GPN2: variants seen among roughly 807,000 people sequenced by gnomAD.
The protein encoded by GPN2 is GPN-loop GTPase 2, also known as ATP-binding domain 1 family member B.
In GPN2, 27 loss-of-function variants were observed where a neutral mutation model predicts 30.1. That is an observed-to-expected ratio of 0.90 (90% CI 0.66 to 1.24). GPN2 has a LOEUF of 1.24. GPN2 is among the 50% of genes most tolerant of loss of function. The pLI is 0.00. For missense variants in GPN2, 406 were observed against 405.4 expected (o/e 1.00, Z -0.01); for synonymous variants, 212 against 174.4 (o/e 1.22, Z -1.70).
chr1:26,889,846 C>T lies in GPN2; in HGVS notation c.251G>A (p.Cys84Tyr). 1 of 1,613,404 alleles carries T rather than the reference C, an allele frequency of 6.2e-7. No homozygotes were observed. Among genetic ancestry groups the T allele is most frequent in the Non-Finnish European group, 8.5e-7 (1 of 1,179,832 alleles). Residue 84 changes from cysteine (C) to tyrosine (Y), a missense_variant, in exon 1 of 5, where the codon TGC becomes TAC. Physicochemically the swap from Cys to Tyr is radical, Grantham distance 194. Transcript: ENST00000374135. Reference protein sequence around the residue: ...RLGPNGGLLYCMEYLEANLDW... With the variant: ...RLGPNGGLLYYMEYLEANLDW... Reference sequence around the variant, plus strand: ...CAGGTTGGCTTCCAGGTACTCCATGCAGTAGAGCAGGCCGCCGTTGGGCCC... The same window carrying T: ...CAGGTTGGCTTCCAGGTACTCCATGTAGTAGAGCAGGCCGCCGTTGGGCCC...
chr1:26,888,867 C>G lies in GPN2; in HGVS notation c.568+102G>C, dbSNP rs980957130. On this transcript the variant is annotated intron_variant, in intron 2 of 4. Coordinates refer to ENST00000374135, the MANE Select transcript of GPN2 (RefSeq NM_018066.4). ...AGAACCTGCCTGTGGCTACTATCAC[C>G]AGACCACGCAAGGCACCAGAGGCAG... The G allele has an allele frequency of 8.6e-6, 10 of 1,157,216 alleles. No homozygotes were observed. In the African/African-American group the frequency reaches 1.4e-4, roughly 16 times the overall value. 71.7% of individuals were successfully genotyped at this position (1,157,216 alleles called of 1,614,324 possible). A position where few individuals can be genotyped will look rare whatever the true frequency, so the allele number is the denominator to read the frequency against.
At chr1:26,884,118 G>T in intron 4 of GPN2, 42 bp downstream of exon 4, 1 of 1,568,096 alleles carries the variant, frequency 6.4e-7, no homozygotes, top group Non-Finnish European at 8.7e-7. Flanking sequence ...TGAGTCCCAT[G>T]TCTCACCCTC....
chr1:26,887,754 A>G (rs71636790), intron 2 of GPN2, among the ~76,000 whole-genome samples: 20,413 of 150,914 alleles, frequency 0.14, 1,481 homozygotes, highest in Non-Finnish European at 0.17. Flanking sequence ...GTAGAGACGG[A>G]GTTTCACAGT....
chr1:26,883,740 C>T (rs1410859943), intron 4 of GPN2, among the ~76,000 whole-genome samples: 2 of 151,116 alleles, frequency 1.3e-5, no homozygotes, highest in East Asian at 1.9e-4. Context: ...GCCAAGATTG[C>T]GCCATTGTGC....
intron 2 of GPN2, among the ~76,000 whole-genome samples, chr1:26,887,984 G>A (rs547332070): frequency 3.9e-4 from 59 of 151,882 alleles, no homozygotes; most frequent in African/African-American, 1.3e-3. Context: ...TCAGCCTCCC[G>A]AGTAGCTGGG....
chr1:26,882,182 A>G (rs1432663478), intron 4 of GPN2, among the ~76,000 whole-genome samples: 1 of 147,556 alleles, frequency 6.8e-6, no homozygotes, highest in Non-Finnish European at 1.5e-5. Context: ...GCACCATTGC[A>G]CTCCAACTGG....
intron 4 of GPN2, among the ~76,000 whole-genome samples, chr1:26,880,052 C>G (rs2081856737): frequency 6.6e-6 from 1 of 152,138 alleles, no homozygotes; most frequent in South Asian, 2.1e-4. Context: ...ATGTCTGGGT[C>G]TGGGGTCTGA....
In GPN2 at chr1:26,889,974, C is replaced by G; in HGVS notation, c.123G>C (p.Ala41=). ...EFLRALGRRV[A]VVNLDPANEG... is the part of the protein sequence containing the mutation. ...CGTTGGCCGGGTCCAGGTTCACCAC[C>G]GCCACGCGCCGGCCCAGCGCGCGCA... The change falls in exon 1 of 5, where the codon GCG becomes GCC. Residue 41 remains alanine, a synonymous_variant. Transcript: ENST00000374135. 1.9e-6 allele frequency: 3 copies of G among 1,603,834 alleles called. No homozygotes were observed. Among genetic ancestry groups the G allele is most frequent in the Non-Finnish European group, 2.5e-6 (3 of 1,179,216 alleles).
chr1:26,889,241 G>T, intron 1 of GPN2, 116 bp from the exon 2 acceptor site: 2 of 784,890 alleles, frequency 2.5e-6, no homozygotes, highest in Admixed American at 2.9e-5. Context: ...TCCTGCCTCT[G>T]TTTCTTTCTA....
At position 26,886,026 on chromosome 1, in the gene GPN2, C is replaced by CT; in HGVS notation, c.675dup (p.Val226SerfsTer8). 1 of 1,613,084 alleles carries CT rather than the reference C, an allele frequency of 6.2e-7. No homozygotes were observed. Among genetic ancestry groups the CT allele is most frequent in the Non-Finnish European group, 8.5e-7 (1 of 1,179,062 alleles). Reference sequence around the variant, plus strand: ...AGGCTATAGTCTTCGATGAGCTGCACTAGCTTCTCATTGAGCTGGCGGTAG... The same window carrying CT: ...AGGCTATAGTCTTCGATGAGCTGCACTTAGCTTCTCATTGAGCTGGCGGTAG... On this transcript the variant is annotated frameshift_variant, in exon 3 of 5. Transcript: ENST00000374135. LOFTEE classifies it high-confidence loss of function.
At chr1:26,881,428 A>G (rs569607683) in intron 4 of GPN2, among the ~76,000 whole-genome samples, 2 of 152,378 alleles carry the variant, frequency 1.3e-5, no homozygotes, top group Admixed American at 6.5e-5. Context: ...ATAGGTACCC[A>G]AAGTATGATT....
rs748050314 is a variant in GPN2, at chr1:26,890,084, C to T, written c.13G>A (p.Ala5Thr). The T allele has an allele frequency of 5.6e-5, 85 of 1,529,910 alleles. No individual in the cohort carries two copies. The Middle Eastern group carries it at 6.9e-4, about 12-fold the overall frequency. The allele number at this position is 1,529,910 out of a possible 1,614,324, so 94.8% of individuals were successfully genotyped here. A position where few individuals can be genotyped will look rare whatever the true frequency, so the allele number is the denominator to read the frequency against. ...GCCTGCCCGAAGGCCGTGGTCGGAG[C>T]GGCCCCTGCCATTGGCGGCCCGCGG... is the stretch of plus-strand genomic sequence containing the variant. MAGA[A>T]PTTAFGQAVI... Residue 5 changes from alanine to threonine, a missense_variant, in exon 1 of 5, where the codon GCT becomes ACT. Physicochemically the swap from Ala to Thr is moderately conservative, Grantham distance 58. Transcript: ENST00000374135.
Position 26,889,869 on chromosome 1 carries a change from C to T in GPN2, c.228G>A (p.Gly76=), listed in dbSNP as rs1457678861. The T allele has an allele frequency of 1.2e-6, 2 of 1,612,032 alleles. No homozygotes were observed. The highest frequency in any genetic ancestry group is 1.3e-5 in the African/African-American group (1 of 75,030). ...LGDVMDALRL[G]PNGGLLYCME... ...TGCAGTAGAGCAGGCCGCCGTTGGG[C>T]CCCAGGCGCAGCGCGTCCATCACGT... The change falls in exon 1 of 5, where the codon GGG becomes GGA. Residue 76 remains glycine (G), a synonymous_variant. Transcript: ENST00000374135.
Position 26,879,597 on chromosome 1 carries a change from G to T in GPN2, c.*80C>A. ...GCTCTGGCTGGGAGGACTTGCTCTT[G>T]GGTCTGCAGCCTGCATCAGGAGCCT... On this transcript the variant is annotated 3_prime_UTR_variant, in exon 5 of 5. Transcript: ENST00000374135. 9.4e-7 allele frequency: 1 copy of T among 1,062,474 alleles called. No homozygotes were observed. The highest frequency in any genetic ancestry group is 1.4e-6 in the Non-Finnish European group (1 of 694,426). The allele number at this position is 1,062,474 out of a possible 1,614,324, so 65.8% of individuals were successfully genotyped here.
At chr1:26,885,872 C>T (rs1231077235) in intron 3 of GPN2, 101 bp downstream of exon 3, 13 of 952,512 alleles carry the variant, frequency 1.4e-5, no homozygotes, top group Non-Finnish European at 1.6e-5. Context: ...AGCAACCGCG[C>T]CCAGCCGGCA....
intron 4 of GPN2, among the ~76,000 whole-genome samples, chr1:26,881,724 ACT>A (rs1367955760): frequency 6.6e-5 from 10 of 152,226 alleles, no homozygotes; most frequent in Admixed American, 2.0e-4. Flanking sequence ...ACAGAGTGAG[ACT>A]CTGCCTCACA....
At position 26,889,749 on chromosome 1, in the gene GPN2, C is replaced by A. The variant is rs1168762256; in HGVS notation, c.348G>T (p.Glu116Asp). The change falls in exon 1 of 5, where the codon GAG (glutamate) becomes GAT (aspartate). Residue 116 changes from glutamate to aspartate, a missense_variant. Coordinates refer to ENST00000374135, the MANE Select transcript of GPN2 (RefSeq NM_018066.4). Reference protein sequence around the residue: ...YFLFDCPGQVELCTHHGALRS... With the variant: ...YFLFDCPGQVDLCTHHGALRS... ...GCAAGGCGCCGTGATGCGTGCAGAG[C>A]TCCACCTGGCCTGGGCAGTCGAAGA... The A allele has an allele frequency of 1.9e-6, 3 of 1,612,902 alleles. No homozygotes were observed. Among genetic ancestry groups the A allele is most frequent in the Non-Finnish European group, 1.7e-6 (2 of 1,179,452 alleles).
At chr1:26,889,188 G>A in intron 1 of GPN2, 63 bp from the exon 2 acceptor site, 6 of 1,296,658 alleles carry the variant, frequency 4.6e-6, no homozygotes, top group East Asian at 2.3e-5. Flanking sequence ...TCCCTCATGA[G>A]AATGAGGGCT....
intron 2 of GPN2, among the ~76,000 whole-genome samples, chr1:26,888,400 C>T (rs770791153): frequency 1.5e-4 from 23 of 152,202 alleles, no homozygotes; most frequent in East Asian, 3.8e-4. Context: ...TGATCTTGGA[C>T]TTACCAGCCT....
Sources: gnomAD v4.1 joint callset for allele counts (sites outside exome capture counted in the v4.1 genomes callset) on GRCh38, gnomAD v4.1.1 for gene constraint, MANE v1.5 for transcripts, NCBI Gene and HGNC (gene_info 2026-07-23, HGNC 2026-07-21) for gene names.